Variants in C14orf132 observed in about 807,000 individuals in gnomAD.
C14orf132 encodes chromosome 14 open reading frame 132.
C14orf132 carries 6 observed loss-of-function variants against 5.8 expected under a neutral mutation model. That is an observed-to-expected ratio of 1.03 (90% CI 0.57 to 2.04). C14orf132 has a LOEUF of 2.04. C14orf132 is among the 30% of genes most tolerant of loss of function. The probability of loss-of-function intolerance (pLI) is 0.00; values close to 1 mark genes in which losing one functional copy is unlikely to be tolerated. For synonymous variants in C14orf132, 51 were observed against 49.8 expected (o/e 1.02, Z -0.10); for missense variants, 125 against 115.8 (o/e 1.08, Z -0.37).
rs1888490447 is a variant in C14orf132, at chr14:96,093,660, A to G, written c.*6925A>G. The G allele has an allele frequency of 6.6e-6, 1 of 152,218 alleles. No individual in the cohort carries two copies. Among genetic ancestry groups the G allele is most frequent in the Non-Finnish European group, 1.5e-5 (1 of 68,044 alleles). 9.4% of individuals were successfully genotyped at this position (152,218 alleles called of 1,614,324 possible). On this transcript the variant is annotated 3_prime_UTR_variant, in exon 2 of 2. Transcript: ENST00000555004. ...AGTTGACTTCATAAAAGGTATTTTA[A>G]CTATTCTTGGAGTCCTTTGCTACCC...
chr14:96,067,515 C>T (rs1393299130), intron 1 of C14orf132, among the ~76,000 whole-genome samples: 1 of 152,048 alleles, frequency 6.6e-6, no homozygotes, highest in Non-Finnish European at 1.5e-5. Flanking sequence ...GCCTGACCAA[C>T]ATGGAGAAAC....
At chr14:96,066,014 G>A (rs567369565) in intron 1 of C14orf132, among the ~76,000 whole-genome samples, 13 of 152,142 alleles carry the variant, frequency 8.5e-5, no homozygotes, top group Non-Finnish European at 1.6e-4. Flanking sequence ...TCCCATAGCT[G>A]AGCCAACAGA....
chr14:96,060,405 C>T (rs1043453246), intron 1 of C14orf132, among the ~76,000 whole-genome samples: 6 of 152,202 alleles, frequency 3.9e-5, no homozygotes, highest in Non-Finnish European at 5.9e-5. Flanking sequence ...TCTATTGGCA[C>T]GGTGACCACT....
intron 1 of C14orf132, among the ~76,000 whole-genome samples, chr14:96,075,400 A>G (rs533818613): frequency 6.6e-6 from 1 of 152,086 alleles, no homozygotes; most frequent in Non-Finnish European, 1.5e-5. Flanking sequence ...TATATATATG[A>G]CTTTTATTTC....
chr14:96,050,264 C>T (rs1376179608), intron 1 of C14orf132, among the ~76,000 whole-genome samples: 1 of 152,136 alleles, frequency 6.6e-6, no homozygotes, highest in African/African-American at 2.4e-5. Flanking sequence ...TGCTTGAGAA[C>T]AGTTTGATTT....
chr14:96,063,356 T>G (rs1450439946), intron 1 of C14orf132, among the ~76,000 whole-genome samples: 1 of 152,158 alleles, frequency 6.6e-6, no homozygotes, highest in African/African-American at 2.4e-5. Flanking sequence ...TCACCCAGGC[T>G]GGAGTGTAGT....
In C14orf132 at chr14:96,090,885, C is replaced by G. The variant is rs1057200084; in HGVS notation, c.*4150C>G. The stretch of plus-strand genomic sequence containing the variant: ...GCACTGCTGCCTGATCCCTGCAAGA[C>G]AAATGGCACTTTCCTTCTTCAGAAG... On this transcript the variant is annotated 3_prime_UTR_variant, in exon 2 of 2. Transcript: ENST00000555004. 1.8e-5 allele frequency: 8 copies of G among 456,006 alleles called. No homozygotes were observed. The highest frequency in any genetic ancestry group is 2.3e-5 in the Admixed American group (1 of 42,564). The allele number at this position is 456,006 out of a possible 1,614,324, so 28.2% of individuals were successfully genotyped here.
At position 96,039,679 on chromosome 14, in the gene C14orf132, G is replaced by T. The variant is rs1886631751; in HGVS notation, c.27+152G>T. ...CCCGAGCCGGACACCCCCACTTGGT[G>T]CACGCGTCGGGGGCGGCGATCGCGG... On this transcript the variant is annotated intron_variant, in intron 1 of 1. Coordinates refer to ENST00000555004, the MANE Select transcript of C14orf132 (RefSeq NM_001252507.3). The surrounding 1 kb of genome is among the most constrained non-coding windows in gnomAD (Gnocchi z 5.3). Among the ~76,000 whole-genome samples, 1 of 152,110 alleles carries T rather than the reference G, an allele frequency of 6.6e-6. No individual in the cohort carries two copies. Among genetic ancestry groups the T allele is most frequent in the Admixed American group, 6.5e-5 (1 of 15,284 alleles).
At chr14:96,044,660 T>C (rs1281511358) in intron 1 of C14orf132, among the ~76,000 whole-genome samples, 1 of 151,428 alleles carries the variant, frequency 6.6e-6, no homozygotes, top group Non-Finnish European at 1.5e-5. Context: ...GTGCTGGGGG[T>C]GGGGGTGGAA....
intron 1 of C14orf132, among the ~76,000 whole-genome samples, chr14:96,049,653 T>TATAGAGAGAGAG (rs371381526): frequency 3.6e-5 from 3 of 82,280 alleles, no homozygotes; most frequent in Admixed American, 1.3e-4. Flanking sequence ...TATATATATA[T>TATAGAGAGAGAG]AGAGAGAGAG....
At chr14:96,069,168 C>CATATATATATGTATATATAT (rs1887622528) in intron 1 of C14orf132, among the ~76,000 whole-genome samples, 1 of 62,818 alleles carries the variant, frequency 1.6e-5, no homozygotes, top group African/African-American at 5.1e-5. Flanking sequence ...TAAATCTCTT[C>CATATATATATGTATATATAT]ATATATATAT....
intron 1 of C14orf132, among the ~76,000 whole-genome samples, chr14:96,085,721 C>T (rs1035711194): frequency 1.3e-5 from 2 of 152,118 alleles, no homozygotes; most frequent in Non-Finnish European, 1.5e-5. Context: ...TAATAGATAA[C>T]AATGTGTGTA....
chr14:96,071,735 G>A (rs1887715234), intron 1 of C14orf132, among the ~76,000 whole-genome samples: 2 of 152,222 alleles, frequency 1.3e-5, no homozygotes, highest in Admixed American at 6.5e-5. Flanking sequence ...CTTCTGTGGT[G>A]AGTGAAAGCC....
chr14:96,046,137 C>T (rs1427976138), intron 1 of C14orf132, among the ~76,000 whole-genome samples: 1 of 152,108 alleles, frequency 6.6e-6, no homozygotes, highest in African/African-American at 2.4e-5. Flanking sequence ...GTAGGACCTG[C>T]CTAGAAGTCC....
intron 1 of C14orf132, among the ~76,000 whole-genome samples, chr14:96,041,836 G>A (rs947858855): frequency 1.3e-5 from 2 of 152,178 alleles, no homozygotes; most frequent in Admixed American, 6.5e-5. Flanking sequence ...GGATCCTGTG[G>A]GACAAACTTG....
At chr14:96,083,506 G>C (rs1443541397) in intron 1 of C14orf132, among the ~76,000 whole-genome samples, 1 of 152,194 alleles carries the variant, frequency 6.6e-6, no homozygotes, top group East Asian at 1.9e-4. Context: ...AGCCAGGGGA[G>C]CTCAATGTCA....
At chr14:96,066,063 C>A (rs917820649) in intron 1 of C14orf132, among the ~76,000 whole-genome samples, 4 of 152,158 alleles carry the variant, frequency 2.6e-5, no homozygotes, top group African/African-American at 9.7e-5. Flanking sequence ...CTCAGGAAGC[C>A]ACAGCCACGT....
At chr14:96,085,465 G>A (rs549852986) in intron 1 of C14orf132, among the ~76,000 whole-genome samples, 22 of 152,286 alleles carry the variant, frequency 1.4e-4, no homozygotes, top group African/African-American at 4.1e-4. Context: ...TGCTGTGTCC[G>A]GGATCACCCC....
At position 96,040,407 on chromosome 14, in the gene C14orf132, C is replaced by A. The variant is rs61327401; in HGVS notation, c.27+880C>A. 2.7e-3 allele frequency: 1,086 copies of A among 397,884 alleles called. 6 individuals carry two copies. Among genetic ancestry groups the A allele is most frequent in the African/African-American group, 0.021 (1,018 of 48,696 alleles). 24.6% of individuals were successfully genotyped at this position (397,884 alleles called of 1,614,324 possible). A position where few individuals can be genotyped will look rare whatever the true frequency, so the allele number is the denominator to read the frequency against. Reference sequence around the variant, plus strand: ...ACCAAAGCCACATCTTGCACCTTCTCTGGTTGTGTTGGTTGGTTATGGTGG... The same window carrying A: ...ACCAAAGCCACATCTTGCACCTTCTATGGTTGTGTTGGTTGGTTATGGTGG... On this transcript the variant is annotated intron_variant, in intron 1 of 1. Coordinates refer to ENST00000555004, the MANE Select transcript of C14orf132 (RefSeq NM_001252507.3).
Sources: gnomAD v4.1 joint callset for allele counts (sites outside exome capture counted in the v4.1 genomes callset) on GRCh38, gnomAD v4.1.1 for gene constraint, Gnocchi (gnomAD v3.1) non-coding constraint, MANE v1.5 for transcripts, NCBI Gene and HGNC (gene_info 2026-07-23, HGNC 2026-07-21) for gene names.